The following ANKAR variants were observed in gnomAD, a reference collection of about 807,000 sequenced individuals.
ANKAR encodes the protein ankyrin and armadillo repeat-containing protein.
ANKAR carries 136 observed loss-of-function variants against 146.2 expected under a neutral mutation model. That is an observed-to-expected ratio of 0.93 (90% CI 0.81 to 1.07). The LOEUF (loss-of-function observed/expected upper bound fraction) is 1.07. Among genes scored for constraint, ANKAR ranks in the 50% least tolerant of loss-of-function variants. The probability of loss-of-function intolerance (pLI) is 0.00; values close to 1 mark genes in which losing one functional copy is unlikely to be tolerated. For missense variants in ANKAR, 1,567 were observed against 1,679.9 expected (o/e 0.93, Z 1.18); for synonymous variants, 500 against 575.8 (o/e 0.87, Z 1.88).
chr2:189,690,302 A>G (rs556316206), intron 3 of ANKAR, among the ~76,000 whole-genome samples: 10 of 152,326 alleles, frequency 6.6e-5, no homozygotes, highest in African/African-American at 2.4e-4. Flanking sequence ...GTGTACTTCT[A>G]TTCAAAATCC....
Position 189,719,614 on chromosome 2 carries a change from T to C in ANKAR, c.2267T>C (p.Ile756Thr). 1.2e-6 allele frequency: 2 copies of C among 1,613,422 alleles called. No homozygotes were observed. Among genetic ancestry groups the C allele is most frequent in the Non-Finnish European group, 1.7e-6 (2 of 1,179,486 alleles). ...ATCAATCTATTAAAAAGTTCCAAAA[T>C]AAAACTGCAGTGCAAAACTGTTGGG... is the stretch of plus-strand genomic sequence containing the variant. ...ALINLLKSSK[I>T]KLQCKTVGLL... Residue 756 changes from isoleucine (I) to threonine (T), a missense_variant, in exon 11 of 23, where the codon ATA becomes ACA. By Grantham distance (89) the Ile-to-Thr change is moderately conservative. Coordinates refer to ENST00000684021, the MANE Select transcript of ANKAR (RefSeq NM_001378068.1).
At chr2:189,711,706 T>C (rs1281360362) in intron 10 of ANKAR, among the ~76,000 whole-genome samples, 1 of 152,172 alleles carries the variant, frequency 6.6e-6, no homozygotes, top group Non-Finnish European at 1.5e-5. Flanking sequence ...GATTTCTGCA[T>C]TTCCAACTGA....
chr2:189,706,579 G>T (rs974592315), intron 8 of ANKAR, among the ~76,000 whole-genome samples: 20 of 152,184 alleles, frequency 1.3e-4, no homozygotes, highest in Non-Finnish European at 2.9e-4. Flanking sequence ...TAATTCCTGA[G>T]CCTCAGTTAC....
intron 10 of ANKAR, among the ~76,000 whole-genome samples, chr2:189,715,476 C>G (rs1294621219): frequency 6.6e-6 from 1 of 152,116 alleles, no homozygotes; most frequent in Non-Finnish European, 1.5e-5. Context: ...AAGTTCAGGA[C>G]CAGACGGATT....
rs780072463 is a variant in ANKAR, at chr2:189,685,839, C to T, written c.602-3688C>T. Among the ~76,000 whole-genome samples, 78 of 152,282 alleles carry T rather than the reference C, an allele frequency of 5.1e-4. No individual in the cohort carries two copies. In the Middle Eastern group the frequency reaches 0.01, roughly 20 times the overall value. On this transcript the variant is annotated intron_variant, in intron 2 of 22. Transcript: ENST00000684021. ...TTAACTAGTTTTCAGCACAACTGCT[C>T]CTCCCAACCCTCAGCTGTGCTTTGT...
At chr2:189,686,813 G>A (rs1255661269) in intron 2 of ANKAR, among the ~76,000 whole-genome samples, 1 of 134,076 alleles carries the variant, frequency 7.5e-6, no homozygotes, top group Non-Finnish European at 1.6e-5. Context: ...ATTTGGAAAC[G>A]AGACTCTTTC....
chr2:189,677,673 CTTTTTTT>C (rs1231293787), intron 2 of ANKAR, among the ~76,000 whole-genome samples: 1 of 143,344 alleles, frequency 7.0e-6, no homozygotes, highest in Non-Finnish European at 1.5e-5. Flanking sequence ...TTCTTTCTTT[CTTTTTTT>C]TTTTTTCTTT....
chr2:189,687,952 C>T (rs1463821131), intron 2 of ANKAR, among the ~76,000 whole-genome samples: 1 of 152,240 alleles, frequency 6.6e-6, no homozygotes, highest in South Asian at 2.1e-4. Flanking sequence ...TATGTAGAAG[C>T]TTTTTAAGTT....
chr2:189,758,737 T>C (rs1467187595), intron 18 of ANKAR, among the ~76,000 whole-genome samples: 3 of 152,218 alleles, frequency 2.0e-5, no homozygotes, highest in East Asian at 1.9e-4. Flanking sequence ...GTGATTAATA[T>C]AGACATGGCC....
At chr2:189,680,916 G>T (rs1279336409) in intron 2 of ANKAR, among the ~76,000 whole-genome samples, 1 of 152,176 alleles carries the variant, frequency 6.6e-6, no homozygotes, top group Non-Finnish European at 1.5e-5. Flanking sequence ...CTGGATCAAG[G>T]TGATGCCAAG....
intron 2 of ANKAR, among the ~76,000 whole-genome samples, chr2:189,681,530 CAGAG>C (rs1186503801): frequency 1.3e-5 from 2 of 152,310 alleles, no homozygotes; most frequent in African/African-American, 4.8e-5. Flanking sequence ...TAGGTGGAAA[CAGAG>C]AGCACCAAAG....
rs1044168723 is a variant in ANKAR, at chr2:189,685,421, A to G, written c.602-4106A>G. Among the ~76,000 whole-genome samples the G allele has an allele frequency of 2.6e-5, 4 of 151,996 alleles. No individual in the cohort carries two copies. In the South Asian group the frequency reaches 8.3e-4, roughly 32 times the overall value. On this transcript the variant is annotated intron_variant, in intron 2 of 22. Transcript: ENST00000684021. ...ATAAAAAAATGGGATATGAAGTTCC[A>G]TTTTTTCCTTAGAGATGTCTCTCTT...
intron 9 of ANKAR, among the ~76,000 whole-genome samples, chr2:189,710,063 C>T (rs894390414): frequency 2.4e-4 from 36 of 152,146 alleles, no homozygotes; most frequent in African/African-American, 8.7e-4. Flanking sequence ...TTCCACTACG[C>T]ATAAAAGAAA....
At chr2:189,704,229 C>T (rs1352570211) in intron 7 of ANKAR, among the ~76,000 whole-genome samples, 4 of 151,512 alleles carry the variant, frequency 2.6e-5, no homozygotes, top group Non-Finnish European at 4.4e-5. Flanking sequence ...ACAACCTCCG[C>T]CTCCCAGGCT....
At chr2:189,702,191 C>A (rs2038170929) in intron 7 of ANKAR, among the ~76,000 whole-genome samples, 1 of 152,156 alleles carries the variant, frequency 6.6e-6, no homozygotes, top group African/African-American at 2.4e-5. Context: ...AAAGTAGTTT[C>A]TCTTGAGAGC....
chr2:189,680,091 G>A (rs2034416774), intron 2 of ANKAR, among the ~76,000 whole-genome samples: 1 of 152,038 alleles, frequency 6.6e-6, no homozygotes, highest in Non-Finnish European at 1.5e-5. Context: ...CTTTTTTGTT[G>A]TTGGCAATTT....
intron 20 of ANKAR, among the ~76,000 whole-genome samples, chr2:189,742,856 GAATTACCTGAC>G (rs2043486031): frequency 4.4e-5 from 1 of 22,770 alleles, no homozygotes; most frequent in Non-Finnish European, 2.1e-4. Flanking sequence ...ACACACATTA[GAATTACCTGAC>G]ACACACACAC....
At chr2:189,717,839 A>C (rs2040695261) in intron 10 of ANKAR, among the ~76,000 whole-genome samples, 2 of 152,152 alleles carry the variant, frequency 1.3e-5, no homozygotes, top group Non-Finnish European at 2.9e-5. Flanking sequence ...TCACAAGGAC[A>C]GAAAAGCAAA....
intron 8 of ANKAR, 89 bp downstream of exon 8, chr2:189,705,313 A>C: frequency 7.3e-7 from 1 of 1,365,654 alleles, no homozygotes; most frequent in Non-Finnish European, 1.0e-6. Flanking sequence ...TAGAATATAA[A>C]TTTCTGCTTT....
Sources: allele counts gnomAD v4.1 joint callset (sites outside exome capture counted in the v4.1 genomes callset), GRCh38; gene constraint gnomAD v4.1.1; transcripts MANE v1.5; gene names NCBI Gene and HGNC (gene_info 2026-07-23, HGNC 2026-07-21).